The following SPOCD1 variants were observed in gnomAD, a reference collection of about 807,000 sequenced individuals.
SPOCD1 encodes the protein SPOC domain containing 1.
In SPOCD1, 64 loss-of-function variants were observed where a neutral mutation model predicts 92.2. That is an observed-to-expected ratio of 0.69 (90% CI 0.57 to 0.86). The LOEUF is 0.86. Among genes scored for constraint, SPOCD1 ranks in the 40% least tolerant of loss-of-function variants. The probability of loss-of-function intolerance (pLI) is 0.00; values close to 1 mark genes in which losing one functional copy is unlikely to be tolerated. For synonymous variants in SPOCD1, 578 were observed against 619.3 expected (o/e 0.93, Z 0.99); for missense variants, 1,360 against 1,543.1 (o/e 0.88, Z 1.99).
At position 31,798,635 on chromosome 1, in the gene SPOCD1, C is replaced by G. The variant is rs774405449; in HGVS notation, c.1869-34G>C. 2.5e-5 allele frequency: 40 copies of G among 1,600,064 alleles called. No homozygotes were observed. The Admixed American group carries it at 6.9e-4, about 28-fold the overall frequency. On this transcript the variant is annotated intron_variant, in intron 7 of 15. Coordinates refer to ENST00000360482, the MANE Select transcript of SPOCD1 (RefSeq NM_144569.7). This position sits in a 1 kb window ranked among gnomAD's most constrained non-coding sequence, Gnocchi z 4.1. ...GCCAGGGCAGGGCGGGGGCACTGAG[C>G]CCAGGAGGCTCTCCAGGCACTTAGT... is the stretch of plus-strand genomic sequence containing the variant.
At chr1:31,800,325 A>AT (rs1648360516) in intron 4 of SPOCD1, 116 bp downstream of exon 4, 1 of 1,424,670 alleles carries the variant, frequency 7.0e-7, no homozygotes, top group Non-Finnish European at 9.4e-7. Flanking sequence ...GCCTCTGGCT[A>AT]TTCTGAATGA....
chr1:31,813,617 AGCT>A (rs1375916229), intron 2 of SPOCD1, among the ~76,000 whole-genome samples: 1 of 152,146 alleles, frequency 6.6e-6, no homozygotes. Flanking sequence ...AACCCCATGA[AGCT>A]GCAATTAGTA....
At chr1:31,811,444 C>T (rs1258803042) in intron 2 of SPOCD1, among the ~76,000 whole-genome samples, 6 of 149,892 alleles carry the variant, frequency 4.0e-5, no homozygotes, top group South Asian at 2.1e-4. Flanking sequence ...GGTGACAGGG[C>T]GAGACTCCCA....
intron 2 of SPOCD1, among the ~76,000 whole-genome samples, chr1:31,808,488 TAA>T (rs1487120690): frequency 2.7e-5 from 4 of 150,356 alleles, no homozygotes; most frequent in Non-Finnish European, 5.9e-5. Flanking sequence ...GTAATTGTAA[TAA>T]TTATAATAAT....
Position 31,800,477 on chromosome 1 carries a change from C to T in SPOCD1, c.1566G>A (p.Lys522=). ...CAGGGCCCTGCACCATGGGCCTTTT[C>T]TTCCTTCTGAGCCTCTGGGCAGGTG... The part of the protein sequence containing the change: ...SPSPAQRLRR[K]KRPMVQGPAG... The change falls in exon 4 of 16, where the codon AAG becomes AAA. Residue 522 remains lysine, a synonymous_variant. Coordinates refer to ENST00000360482, the MANE Select transcript of SPOCD1 (RefSeq NM_144569.7). 1 of 1,610,318 alleles carries T rather than the reference C, an allele frequency of 6.2e-7. No homozygotes were observed. Among genetic ancestry groups the T allele is most frequent in the Non-Finnish European group, 8.5e-7 (1 of 1,178,220 alleles).
At chr1:31,791,645 G>GC (rs1647601091) in intron 15 of SPOCD1, among the ~76,000 whole-genome samples, 1 of 152,206 alleles carries the variant, frequency 6.6e-6, no homozygotes. Flanking sequence ...GCCGAGCTCG[G>GC]CCCCCCGTGG....
intron 2 of SPOCD1, among the ~76,000 whole-genome samples, chr1:31,807,318 G>A (rs1272306753): frequency 7.6e-6 from 1 of 130,764 alleles, no homozygotes; most frequent in East Asian, 2.3e-4. Flanking sequence ...GAAGCTGGGA[G>A]GTGGAGGCTG....
intron 2 of SPOCD1, 86 bp from the exon 3 acceptor site, chr1:31,801,791 G>C (rs1648484435): frequency 2.7e-6 from 3 of 1,130,874 alleles, no homozygotes; most frequent in African/African-American, 3.1e-5. Context: ...AGACAATCTT[G>C]TTGAAAGGGT....
At chr1:31,800,723 T>C in intron 3 of SPOCD1, 106 bp from the exon 4 acceptor site, 2 of 1,013,508 alleles carry the variant, frequency 2.0e-6, no homozygotes, top group Non-Finnish European at 2.8e-6. Flanking sequence ...CCCACTGGAG[T>C]GTAAGCTCCG....
At position 31,793,872 on chromosome 1, in the gene SPOCD1, T is replaced by C. The variant is rs917479092; in HGVS notation, c.2409A>G (p.Leu803=). ...CKDWEPSNEL[L]GSFEAAKSCG... is the part of the protein sequence containing the mutation. Reference sequence around the variant, plus strand: ...AGCTCTTGGCGGCTTCGAAGGAGCCTAGCAGCTCATTCGAGGGCTCCCAGT... The same window carrying C: ...AGCTCTTGGCGGCTTCGAAGGAGCCCAGCAGCTCATTCGAGGGCTCCCAGT... The change falls in exon 12 of 16, where the codon CTA becomes CTG. Residue 803 remains leucine, a synonymous_variant. Coordinates refer to ENST00000360482, the MANE Select transcript of SPOCD1 (RefSeq NM_144569.7). The C allele has an allele frequency of 6.2e-7, 1 of 1,613,180 alleles. No individual in the cohort carries two copies. The highest frequency in any genetic ancestry group is 1.7e-5 in the Admixed American group (1 of 59,982).
In SPOCD1 at chr1:31,798,186, C is replaced by T; in HGVS notation, c.2145+21G>A. The T allele has an allele frequency of 1.3e-6, 2 of 1,594,676 alleles. No individual in the cohort carries two copies. The highest frequency in any genetic ancestry group is 1.7e-6 in the Non-Finnish European group (2 of 1,162,374). On this transcript the variant is annotated intron_variant, in intron 9 of 15. Coordinates refer to ENST00000360482, the MANE Select transcript of SPOCD1 (RefSeq NM_144569.7). This position sits in a 1 kb window ranked among gnomAD's most constrained non-coding sequence, Gnocchi z 4.1. ...CTGCCCCTACATCCCCTCACCCATC[C>T]CGACTGGGCTCAGCACTCACCCTTT...
At chr1:31,793,717 T>TTA (rs2149096989) in intron 12 of SPOCD1, 30 bp downstream of exon 12, 1 of 1,613,388 alleles carries the variant, frequency 6.2e-7, no homozygotes, top group East Asian at 2.2e-5. Flanking sequence ...CCCTGCTGGG[T>TTA]TATCCACCTC....
At chr1:31,810,225 C>T (rs1158979652) in intron 2 of SPOCD1, among the ~76,000 whole-genome samples, 1 of 152,134 alleles carries the variant, frequency 6.6e-6, no homozygotes, top group Non-Finnish European at 1.5e-5. Context: ...GCCCCGTGAA[C>T]AGTCAAGTTA....
At chr1:31,791,449 C>T (rs572754673) in intron 15 of SPOCD1, 158 bp from the exon 16 acceptor site, 4 of 531,122 alleles carry the variant, frequency 7.5e-6, no homozygotes, top group Non-Finnish European at 1.3e-5. Context: ...GGGATCAAGG[C>T]TTATCTGGCT....
intron 6 of SPOCD1, among the ~76,000 whole-genome samples, 155 bp downstream of exon 6, chr1:31,799,654 C>A (rs1365897734): frequency 6.6e-6 from 1 of 152,176 alleles, no homozygotes; most frequent in Admixed American, 6.5e-5. Flanking sequence ...GTGGCCCCCA[C>A]CCCTTCCCCC....
Position 31,790,550 on chromosome 1 carries a change from G to C in SPOCD1, c.*53C>G. The C allele has an allele frequency of 6.7e-7, 1 of 1,495,728 alleles. No homozygotes were observed. The allele number at this position is 1,495,728 out of a possible 1,614,324, so 92.7% of individuals were successfully genotyped here. A position where few individuals can be genotyped will look rare whatever the true frequency, so the allele number is the denominator to read the frequency against. On this transcript the variant is annotated 3_prime_UTR_variant, in exon 16 of 16. Transcript: ENST00000360482. ...TGCAGTCCCACCTCTCTCTGGAACA[G>C]GCTTCAACACTAGTGAGGGCATCAA...
chr1:31,792,086 A>C (rs1647633534), intron 15 of SPOCD1, 129 bp downstream of exon 15: 1 of 1,006,608 alleles, frequency 9.9e-7, no homozygotes, highest in South Asian at 1.7e-5. Context: ...TTGTACTCAC[A>C]TTTGCCTGGC....
chr1:31,794,372 T>G (rs1441218559), intron 10 of SPOCD1, 137 bp from the exon 11 acceptor site: 1 of 510,464 alleles, frequency 2.0e-6, no homozygotes, highest in African/African-American at 2.0e-5. Context: ...TACTGTGAAC[T>G]CATAAAGAAA....
chr1:31,802,736 C>T (rs78230117), intron 2 of SPOCD1, among the ~76,000 whole-genome samples: 2 of 152,026 alleles, frequency 1.3e-5, no homozygotes. Context: ...CTTTTACAAC[C>T]GGAAACATGT....
Sources: gnomAD v4.1 joint callset for allele counts (sites outside exome capture counted in the v4.1 genomes callset) on GRCh38, gnomAD v4.1.1 for gene constraint, Gnocchi (gnomAD v3.1) non-coding constraint, MANE v1.5 for transcripts, NCBI Gene and HGNC (gene_info 2026-07-23, HGNC 2026-07-21) for gene names.